Variants in ASB15 observed in about 807,000 individuals in gnomAD.
The protein encoded by ASB15 is ankyrin repeat and SOCS box containing 15, also known as ankyrin repeat and SOCS box protein 15.
A neutral mutation model predicts 58.0 loss-of-function variants in ASB15; 54 were observed. The ratio of observed to expected loss-of-function variants is 0.93; its 90% CI spans 0.75 to 1.17. The LOEUF (loss-of-function observed/expected upper bound fraction) is 1.17, where lower values mean the gene tolerates loss of function less well. Ranked by LOEUF, ASB15 falls within the 50% of genes most tolerant of loss-of-function variation. ASB15 has a pLI of 0.00. For synonymous variants in ASB15, 249 were observed against 262.4 expected (o/e 0.95, Z 0.50); for missense variants, 680 against 707.4 (o/e 0.96, Z 0.44).
intron 11 of ASB15, among the ~76,000 whole-genome samples, chr7:123,635,261 C>G (rs571819792): frequency 6.6e-5 from 10 of 152,238 alleles, no homozygotes; most frequent in African/African-American, 2.4e-4. Flanking sequence ...CGGCAAAGTT[C>G]TATTTCCTAT....
rs1177600930 is a variant in ASB15 at position 123,608,112 on chromosome 7, AT to A, written c.-63-475del. 6.6e-5 allele frequency among the ~76,000 whole-genome samples: 10 copies of A among 152,098 alleles called. No homozygotes were observed. In the East Asian group the frequency reaches 1.7e-3, roughly 26 times the overall value. On this transcript the variant is annotated intron_variant, in intron 2 of 11. Coordinates refer to ENST00000451215, the MANE Select transcript of ASB15 (RefSeq NM_001290258.2). ...CTCTATTTTTTCTTGTTCTTATTTTATTTTTTTATCTAGTCCTCATACTAAT... is the reference window on the plus strand; with the variant it reads ...CTCTATTTTTTCTTGTTCTTATTTTATTTTTTATCTAGTCCTCATACTAAT...
intron 9 of ASB15, among the ~76,000 whole-genome samples, chr7:123,628,261 TA>T (rs762906135): frequency 6.6e-6 from 1 of 152,192 alleles, no homozygotes; most frequent in African/African-American, 2.4e-5. Flanking sequence ...TGGTCAATAT[TA>T]AAAAATAGAT....
In ASB15 at chr7:123,628,949, C is replaced by A; in HGVS notation, c.955C>A (p.Gln319Lys). 1 of 1,609,832 alleles carries A rather than the reference C, an allele frequency of 6.2e-7. No homozygotes were observed. The highest frequency in any genetic ancestry group is 1.1e-5 in the South Asian group (1 of 89,998). The change falls in exon 10 of 12, where the codon CAA becomes AAA. Residue 319 changes from glutamine to lysine, a missense_variant. Gln to Lys is a moderately conservative substitution (Grantham distance 53, BLOSUM62 1). Coordinates refer to ENST00000451215, the MANE Select transcript of ASB15 (RefSeq NM_001290258.2). ...LTPIHSAADG[Q>K]NAQCLELLIE... ...ACCAATTCACTCAGCAGCAGATGGA[C>A]AAAATGCACAGTGTCTAGAACTGCT...
At chr7:123,630,723 A>C (rs1413442193) in intron 11 of ASB15, among the ~76,000 whole-genome samples, 1 of 152,240 alleles carries the variant, frequency 6.6e-6, no homozygotes, top group African/African-American at 2.4e-5. Context: ...AATATCATAG[A>C]TTTGAGATGC....
intron 7 of ASB15, among the ~76,000 whole-genome samples, chr7:123,623,861 C>A (rs1801504514): frequency 3.4e-5 from 1 of 29,058 alleles, no homozygotes; most frequent in South Asian, 1.8e-3. Context: ...GAGACTCTGT[C>A]TCAAAAAAAA....
intron 10 of ASB15, among the ~76,000 whole-genome samples, chr7:123,629,640 T>C (rs1802017975): frequency 6.6e-6 from 1 of 152,110 alleles, no homozygotes; most frequent in South Asian, 2.1e-4. Context: ...GTTTGTTTTT[T>C]CTTGACTTGA....
At chr7:123,619,179 CAAAAA>C (rs528943780) in intron 7 of ASB15, among the ~76,000 whole-genome samples, 6,723 of 55,506 alleles carry the variant, frequency 0.12, 255 homozygotes, top group East Asian at 0.25. Context: ...GACGCCGTCT[CAAAAA>C]AAAAAAAAAA....
chr7:123,609,878 A>T (rs1800347762), intron 3 of ASB15, among the ~76,000 whole-genome samples: 2 of 152,194 alleles, frequency 1.3e-5, no homozygotes, highest in South Asian at 4.1e-4. Context: ...CTCCTGCATC[A>T]TATTTTTCAA....
intron 1 of ASB15, among the ~76,000 whole-genome samples, chr7:123,586,165 T>C (rs986873136): frequency 1.2e-4 from 18 of 151,826 alleles, no homozygotes; most frequent in Non-Finnish European, 5.9e-5. Flanking sequence ...CTGTTTTCCA[T>C]AATGGCTGTA....
At chr7:123,610,418 A>G (rs370592946) in intron 3 of ASB15, among the ~76,000 whole-genome samples, 51 of 152,362 alleles carry the variant, frequency 3.3e-4, no homozygotes, top group African/African-American at 1.1e-3. Flanking sequence ...GTATCAAAAA[A>G]TTTACATGAT....
chr7:123,594,299 C>T (rs539300692), intron 1 of ASB15, among the ~76,000 whole-genome samples: 32 of 152,238 alleles, frequency 2.1e-4, no homozygotes, highest in Non-Finnish European at 4.0e-4. Context: ...CAAACTCATT[C>T]TCTGTCCAGT....
chr7:123,568,293 G>A (rs930344520), intron 1 of ASB15, among the ~76,000 whole-genome samples: 1 of 151,910 alleles, frequency 6.6e-6, no homozygotes, highest in South Asian at 2.1e-4. Context: ...CGGGCAGATC[G>A]CCTGAGGTTG....
intron 1 of ASB15, among the ~76,000 whole-genome samples, chr7:123,593,551 A>G (rs946143898): frequency 4.6e-5 from 7 of 152,176 alleles, no homozygotes; most frequent in Non-Finnish European, 8.8e-5. Context: ...GCTGGATATG[A>G]AATTCTGGGT....
At chr7:123,582,258 G>T (rs1050455884) in intron 1 of ASB15, among the ~76,000 whole-genome samples, 1 of 151,846 alleles carries the variant, frequency 6.6e-6, no homozygotes, top group Non-Finnish European at 1.5e-5. Context: ...GGAAGGATGT[G>T]TGACAATGGG....
chr7:123,591,395 C>T lies in ASB15; in HGVS notation c.-442-12637C>T, dbSNP rs144992805. 2.3e-4 allele frequency among the ~76,000 whole-genome samples: 35 copies of T among 152,268 alleles called. 1 individual carries two copies. The East Asian group carries it at 6.2e-3, about 27-fold the overall frequency. ...CTTGTGCCAGTTTTCAAAAGGAATGCTTCCAGTTTTTGCCCACTTAGTAAC... is the reference window on the plus strand; with the variant it reads ...CTTGTGCCAGTTTTCAAAAGGAATGTTTCCAGTTTTTGCCCACTTAGTAAC... On this transcript the variant is annotated intron_variant, in intron 1 of 13. Transcript: ENST00000451558.
intron 7 of ASB15, among the ~76,000 whole-genome samples, chr7:123,619,346 A>G (rs1801075720): frequency 6.6e-6 from 1 of 152,076 alleles, no homozygotes; most frequent in Admixed American, 6.5e-5. Flanking sequence ...AATAAAGTAT[A>G]TATTTAAATT....
At chr7:123,601,684 C>T (rs1272236997), upstream of ASB15, among the ~76,000 whole-genome samples, 1 of 152,080 alleles carries the variant, frequency 6.6e-6, no homozygotes, top group Non-Finnish European at 1.5e-5. Flanking sequence ...TCTTATTATA[C>T]CTCTGTAGGC....
intron 7 of ASB15, among the ~76,000 whole-genome samples, chr7:123,621,866 A>G (rs1446694474): frequency 6.6e-6 from 1 of 152,104 alleles, no homozygotes; most frequent in Non-Finnish European, 1.5e-5. Flanking sequence ...ACCTTTCCCT[A>G]GTTGGATAGG....
chr7:123,620,464 T>G (rs1801162555), intron 7 of ASB15, among the ~76,000 whole-genome samples: 1 of 135,440 alleles, frequency 7.4e-6, no homozygotes, highest in African/African-American at 2.8e-5. Flanking sequence ...AATATGTATC[T>G]GTGGGTGTTG....
Sources: gnomAD v4.1 joint callset for allele counts (sites outside exome capture counted in the v4.1 genomes callset) on GRCh38, gnomAD v4.1.1 for gene constraint, MANE v1.5 for transcripts, NCBI Gene and HGNC (gene_info 2026-07-23, HGNC 2026-07-21) for gene names.